The following P3H1 variants were observed in gnomAD, a reference collection of about 807,000 sequenced individuals.
P3H1 encodes the protein prolyl 3-hydroxylase 1.
Under a neutral mutation model 84.0 loss-of-function variants are expected in P3H1, and 69 were observed. The ratio of observed to expected loss-of-function variants is 0.82; its 90% confidence interval spans 0.68 to 1.00. The LOEUF (loss-of-function observed/expected upper bound fraction) is 1.00, where lower values mean the gene tolerates loss of function less well. Ranked by LOEUF, P3H1 falls within the 50% of genes least tolerant of loss-of-function variation. The pLI is 0.00. For missense variants in P3H1, 878 were observed against 962.8 expected, an observed-to-expected ratio of 0.91 and a Z score of 1.17; for synonymous variants, 366 against 388.8, an observed-to-expected ratio of 0.94 and a Z score of 0.69.
chr1:42,757,745 T>C, intron 5 of P3H1, 38 bp downstream of exon 5: 1 of 1,614,122 alleles, frequency 6.2e-7, no homozygotes, highest in Admixed American at 1.7e-5. Context: ...AGGTCTGAGT[T>C]CAGCTGGCAG....
chr1:42,749,721 C>T (rs752025905), intron 11 of P3H1, among the ~76,000 whole-genome samples: 1 of 151,984 alleles, frequency 6.6e-6, no homozygotes, highest in South Asian at 2.1e-4. Context: ...ATTCATCCTG[C>T]AAAACTGCCA....
rs370029292 is a variant in P3H1, at chr1:42,746,679, C to A, written c.*18G>T. 1 of 1,540,544 alleles carries A rather than the reference C, an allele frequency of 6.5e-7. No homozygotes were observed. The highest frequency in any genetic ancestry group is 8.8e-7 in the Non-Finnish European group (1 of 1,137,186). Reference sequence around the variant, plus strand: ...CTCTCCATGGGTCTAGTCACCCATCCGTCTGACCTGGACGCTGTCATAGCT... The same window carrying A: ...CTCTCCATGGGTCTAGTCACCCATCAGTCTGACCTGGACGCTGTCATAGCT... On this transcript the variant is annotated 3_prime_UTR_variant, in exon 15 of 15. Transcript: ENST00000296388.
rs540356807 is a variant in P3H1, at chr1:42,766,019, C to A, written c.465+488G>T. Among the ~76,000 whole-genome samples the A allele has an allele frequency of 4.7e-3, 570 of 120,672 alleles. 16 individuals are homozygous for A. The highest frequency in any genetic ancestry group is 0.011 in the African/African-American group (341 of 30,876). The allele number at this position is 120,672 out of a possible 152,430, so 79.2% of individuals were successfully genotyped here. A position where few individuals can be genotyped will look rare whatever the true frequency, so the allele number is the denominator to read the frequency against. The stretch of plus-strand genomic sequence containing the variant: ...ACTAGCCAGAGGGTCCCCCCCCCGC[C>A]CCCACACACACACAGAAAGGGCCAG... On this transcript the variant is annotated intron_variant, in intron 1 of 14. Transcript: ENST00000296388.
intron 11 of P3H1, among the ~76,000 whole-genome samples, chr1:42,749,224 A>T (rs745380530): frequency 9.2e-5 from 14 of 152,294 alleles, no homozygotes; most frequent in Admixed American, 2.6e-4. Flanking sequence ...GGGGCTTGTG[A>T]CACACCCAGT....
At chr1:42,755,774 G>A (rs1652375393) in intron 5 of P3H1, 137 bp from the exon 6 acceptor site, 1 of 704,950 alleles carries the variant, frequency 1.4e-6, no homozygotes, top group Non-Finnish European at 2.6e-6. Context: ...CTCTCTGTCT[G>A]TTCCCCAGTT....
rs1212913862 is a variant in P3H1, at chr1:42,752,263, G to A, written c.1569+11C>T. 1 of 1,606,782 alleles carries A rather than the reference G, an allele frequency of 6.2e-7. No individual in the cohort carries two copies. The highest frequency in any genetic ancestry group is 8.5e-7 in the Non-Finnish European group (1 of 1,173,466). ...TTCTCCACACTCTAGAATGCCCAGT[G>A]TTGATCTTACCTTGAGGGCTTTGAA... On this transcript the variant is annotated intron_variant, in intron 10 of 14. Transcript: ENST00000296388.
At chr1:42,747,206 C>T (rs1384048641) in intron 14 of P3H1, 66 bp downstream of exon 14, 2 of 1,614,198 alleles carry the variant, frequency 1.2e-6, no homozygotes, top group Non-Finnish European at 8.5e-7. Context: ...GAAAGGCAAA[C>T]CAAGGGCGCT....
Position 42,766,863 on chromosome 1 carries a change from G to A in P3H1, c.109C>T (p.Leu37=), listed in dbSNP as rs1161630309. The stretch of plus-strand genomic sequence containing the variant: ...GCTGCGGTCCCCTCGGCGAAGAGCA[G>A]ATCAGGCGTCACCATGCCCCATCCT... ...EAGWGMVTPD[L]LFAEGTAAYA... Residue 37 remains leucine, a synonymous_variant, in exon 1 of 15, where the codon CTG becomes TTG. Coordinates refer to ENST00000296388, the MANE Select transcript of P3H1 (RefSeq NM_022356.4). The A allele has an allele frequency of 6.2e-7, 1 of 1,607,236 alleles. No individual in the cohort carries two copies. Among genetic ancestry groups the A allele is most frequent in the South Asian group, 1.1e-5 (1 of 91,082 alleles).
Position 42,752,272 on chromosome 1 carries a change from A to T in P3H1, c.1569+2T>A. The T allele has an allele frequency of 6.2e-7, 1 of 1,611,718 alleles. No individual in the cohort carries two copies. Among genetic ancestry groups the T allele is most frequent in the Non-Finnish European group, 8.5e-7 (1 of 1,178,086 alleles). On this transcript the variant is annotated splice_donor_variant, in intron 10 of 14. Coordinates refer to ENST00000296388, the MANE Select transcript of P3H1 (RefSeq NM_022356.4). LOFTEE classifies it high-confidence loss of function. ...CTCTAGAATGCCCAGTGTTGATCTTACCTTGAGGGCTTTGAAGACAGTGAC... is the reference window on the plus strand; with the variant it reads ...CTCTAGAATGCCCAGTGTTGATCTTTCCTTGAGGGCTTTGAAGACAGTGAC...
rs879470343 is a variant in P3H1 at position 42,763,084 on chromosome 1, C to CA, written c.466-610dup. Reference sequence around the variant, plus strand: ...TGGGTGACACAGCAGGACCCTGACTCAAAAAAAAAAAAATACATATATATA... The same window carrying CA: ...TGGGTGACACAGCAGGACCCTGACTCAAAAAAAAAAAAAATACATATATATA... On this transcript the variant is annotated intron_variant, in intron 1 of 14. Coordinates refer to ENST00000296388, the MANE Select transcript of P3H1 (RefSeq NM_022356.4). 4.0e-3 allele frequency among the ~76,000 whole-genome samples: 491 copies of CA among 123,148 alleles called. 2 individuals carry two copies. Among genetic ancestry groups the CA allele is most frequent in the Non-Finnish European group, 6.0e-3 (346 of 57,288 alleles). 80.8% of individuals were successfully genotyped at this position (123,148 alleles called of 152,430 possible). A position where few individuals can be genotyped will look rare whatever the true frequency, so the allele number is the denominator to read the frequency against.
Position 42,767,015 on chromosome 1 carries a change from G to A in P3H1, c.-44C>T. 2 of 1,592,262 alleles carry A rather than the reference G, an allele frequency of 1.3e-6. No homozygotes were observed. Among genetic ancestry groups the A allele is most frequent in the South Asian group, 1.1e-5 (1 of 89,712 alleles). ...GGAACCGCCAGCCACCCGCCACCAAGGCCGGAGTCCTACCCCCGGCGAAGG... is the reference window on the plus strand; with the variant it reads ...GGAACCGCCAGCCACCCGCCACCAAAGCCGGAGTCCTACCCCCGGCGAAGG... On this transcript the variant is annotated 5_prime_UTR_variant, in exon 1 of 15. Transcript: ENST00000296388.
chr1:42,763,517 C>A (rs149517443), intron 1 of P3H1, among the ~76,000 whole-genome samples: 2,753 of 151,272 alleles, frequency 0.018, 95 homozygotes, highest in African/African-American at 0.064. Context: ...ACTAAAAATA[C>A]AAAAATTAGC....
chr1:42,755,366 C>T, intron 6 of P3H1, 149 bp from the exon 7 acceptor site: 2 of 946,540 alleles, frequency 2.1e-6, no homozygotes, highest in Non-Finnish European at 3.4e-6. Flanking sequence ...ACATCTAAGT[C>T]CCTTCTAGCT....
chr1:42,752,172 C>T, intron 10 of P3H1, 102 bp downstream of exon 10: 1 of 969,618 alleles, frequency 1.0e-6, no homozygotes, highest in South Asian at 1.3e-5. Context: ...GGTGGACCCT[C>T]TTCACCTTTC....
rs932334061 is a variant in P3H1, at chr1:42,750,202, G to A, written c.1704C>T (p.Cys568=). 1.9e-6 allele frequency: 3 copies of A among 1,612,820 alleles called. No homozygotes were observed. Among genetic ancestry groups the A allele is most frequent in the Admixed American group, 1.7e-5 (1 of 59,804 alleles). The change falls in exon 11 of 15, where the codon TGC becomes TGT. Residue 568 remains cysteine, a synonymous_variant. Coordinates refer to ENST00000296388, the MANE Select transcript of P3H1 (RefSeq NM_022356.4). ...PLYFSYSHLV[C]RTAIEEVQAE... ...GAGGCCCACCTTCGATGGCAGTGCG[G>A]CACACCAGATGAGAGTAGGAAAAGT...
chr1:42,750,431 C>G, intron 10 of P3H1, 95 bp from the exon 11 acceptor site: 1 of 1,434,574 alleles, frequency 7.0e-7, no homozygotes. Context: ...CCCATAATTC[C>G]CATGTGTTGT....
In P3H1 at chr1:42,752,278, A is replaced by C. The variant is rs1652143894; in HGVS notation, c.1565T>G (p.Leu522Arg). 1 of 1,612,498 alleles carries C rather than the reference A, an allele frequency of 6.2e-7. No individual in the cohort carries two copies. ...KFYGVTVFKA[L>R]KLGQEGKVPL... Reference sequence around the variant, plus strand: ...AATGCCCAGTGTTGATCTTACCTTGAGGGCTTTGAAGACAGTGACACCATA... The same window carrying C: ...AATGCCCAGTGTTGATCTTACCTTGCGGGCTTTGAAGACAGTGACACCATA... Residue 522 changes from leucine to arginine, a missense_variant, in exon 10 of 15, where the codon CTC becomes CGC. By Grantham distance (102) the Leu-to-Arg change is moderately radical. Coordinates refer to ENST00000296388, the MANE Select transcript of P3H1 (RefSeq NM_022356.4).
At chr1:42,752,117 C>A (rs55942531) in intron 10 of P3H1, among the ~76,000 whole-genome samples, 157 bp downstream of exon 10, 2 of 152,204 alleles carry the variant, frequency 1.3e-5, no homozygotes, top group African/African-American at 4.8e-5. Context: ...GTGAACCTCA[C>A]GCAACATAAC....
At position 42,746,835 on chromosome 1, in the gene P3H1, A is replaced by T. The variant is rs764716982; in HGVS notation, c.2073T>A (p.Asp691Glu). 6.2e-7 allele frequency: 1 copy of T among 1,613,238 alleles called. No individual in the cohort carries two copies. The highest frequency in any genetic ancestry group is 1.7e-5 in the Admixed American group (1 of 59,866). The change falls in exon 15 of 15, where the codon GAT becomes GAA. Residue 691 changes from aspartate (D) to glutamate (E), a missense_variant. By Grantham distance (45) the Asp-to-Glu change is conservative. Coordinates refer to ENST00000296388, the MANE Select transcript of P3H1 (RefSeq NM_022356.4). Reference protein sequence around the residue: ...RHSERDRVQADDLVKMLFSPE... With the variant: ...RHSERDRVQAEDLVKMLFSPE... ...GGCTGAAGAGCATCTTCACCAGGTC[A>T]TCTGCCTGCACCCTGTCCTGCAAGG...
Sources: allele counts gnomAD v4.1 joint callset (sites outside exome capture counted in the v4.1 genomes callset), GRCh38; gene constraint gnomAD v4.1.1; transcripts MANE v1.5; gene names NCBI Gene and HGNC (gene_info 2026-07-23, HGNC 2026-07-21).